Variants in FBXO8 observed in about 807,000 individuals in gnomAD.
FBXO8 encodes the protein F-box only protein 8.
FBXO8 carries 15 observed loss-of-function variants against 33.4 expected under a neutral mutation model. That is an observed-to-expected ratio of 0.45 (90% CI 0.30 to 0.69). The LOEUF (loss-of-function observed/expected upper bound fraction) is 0.69. Among genes scored for constraint, FBXO8 ranks in the 30% least tolerant of loss-of-function variants. FBXO8 has a pLI of 0.08. For synonymous variants in FBXO8, 132 were observed against 131.5 expected, an observed-to-expected ratio of 1.00 and a Z score of -0.02; for missense variants, 274 against 380.3, an observed-to-expected ratio of 0.72 and a Z score of 2.32.
intron 3 of FBXO8, among the ~76,000 whole-genome samples, chr4:174,248,152 A>C (rs910036622): frequency 2.6e-5 from 4 of 151,992 alleles, no homozygotes; most frequent in African/African-American, 7.2e-5. Flanking sequence ...CTACCCACTA[A>C]ATTTTGTAAT....
chr4:174,276,380 GGC>G (rs1212275053), intron 1 of FBXO8, among the ~76,000 whole-genome samples: 1 of 152,102 alleles, frequency 6.6e-6, no homozygotes, highest in Non-Finnish European at 1.5e-5. Flanking sequence ...TGGGACTACA[GGC>G]GCGCACCGCC....
intron 3 of FBXO8, among the ~76,000 whole-genome samples, chr4:174,246,177 A>C (rs1290559370): frequency 6.6e-6 from 1 of 151,980 alleles, no homozygotes; most frequent in East Asian, 1.9e-4. Flanking sequence ...TGTCTAGTGC[A>C]ATTATGCAGT....
At position 174,257,718 on chromosome 4, in the gene FBXO8, G is replaced by A. The variant is rs1392033400; in HGVS notation, c.456+1981C>T. 1.3e-5 allele frequency among the ~76,000 whole-genome samples: 2 copies of A among 151,930 alleles called. No homozygotes were observed. The highest frequency in any genetic ancestry group is 2.4e-5 in the African/African-American group (1 of 41,354). On this transcript the variant is annotated intron_variant, in intron 3 of 5. Coordinates refer to ENST00000393674, the MANE Select transcript of FBXO8 (RefSeq NM_012180.3). This position sits in a 1 kb window ranked among gnomAD's most constrained non-coding sequence, Gnocchi z 4.3. ...CAGGGTCTCACTCTCACAGCTTATT[G>A]CACTCTTGACCTCTGGGGCTACATA...
chr4:174,262,334 A>G lies in FBXO8; in HGVS notation c.329+430T>C, dbSNP rs1171500580. The stretch of plus-strand genomic sequence containing the variant: ...GCTCTATATGAAGAAAATTAAAAAC[A>G]GTAACATTTGAGGACTATTCATTGA... On this transcript the variant is annotated intron_variant, in intron 2 of 5. Transcript: ENST00000393674. The surrounding 1 kb of genome is among the most constrained non-coding windows in gnomAD (Gnocchi z 4.6). Among the ~76,000 whole-genome samples the G allele has an allele frequency of 6.6e-6, 1 of 152,040 alleles. No homozygotes were observed. Among genetic ancestry groups the G allele is most frequent in the East Asian group, 1.9e-4 (1 of 5,198 alleles).
Position 174,263,119 on chromosome 4 carries a change from G to C in FBXO8, c.-8-19C>G, listed in dbSNP as rs1227029768. On this transcript the variant is annotated intron_variant, in intron 1 of 5. Transcript: ENST00000393674. The surrounding 1 kb of genome is among the most constrained non-coding windows in gnomAD (Gnocchi z 4.2). ...TGCAAGCCTGGGAAAAAGCCAGAATGTAATAAGGGTGACATTTAAAAAGTA... is the reference window on the plus strand; with the variant it reads ...TGCAAGCCTGGGAAAAAGCCAGAATCTAATAAGGGTGACATTTAAAAAGTA... 6.3e-7 allele frequency: 1 copy of C among 1,597,102 alleles called. No homozygotes were observed. The highest frequency in any genetic ancestry group is 1.1e-5 in the South Asian group (1 of 90,294).
rs1183335934 is a variant in FBXO8, at chr4:174,259,385, T to C, written c.456+314A>G. 2.6e-5 allele frequency among the ~76,000 whole-genome samples: 4 copies of C among 152,086 alleles called. No homozygotes were observed. The East Asian group carries it at 5.8e-4, about 22-fold the overall frequency. On this transcript the variant is annotated intron_variant, in intron 3 of 5. Transcript: ENST00000393674. The surrounding 1 kb of genome is among the most constrained non-coding windows in gnomAD (Gnocchi z 4.3). ...CAGATAAAATCTGATGAACACACTC[T>C]GTGTTCTTATTATCAAATTTTTGTG...
rs138425613 is a variant in FBXO8, at chr4:174,263,602, A to G, written c.-8-502T>C. ...ACAGGCTTTTAGTTTAATTCTTGCCAGTCTACACTTACATTGTAGACTGTA... is the reference window on the plus strand; with the variant it reads ...ACAGGCTTTTAGTTTAATTCTTGCCGGTCTACACTTACATTGTAGACTGTA... On this transcript the variant is annotated intron_variant, in intron 1 of 5. Coordinates refer to ENST00000393674, the MANE Select transcript of FBXO8 (RefSeq NM_012180.3). The surrounding 1 kb of genome is among the most constrained non-coding windows in gnomAD (Gnocchi z 4.2). Among the ~76,000 whole-genome samples the G allele has an allele frequency of 6.6e-6, 1 of 152,276 alleles. No individual in the cohort carries two copies. Among genetic ancestry groups the G allele is most frequent in the Non-Finnish European group, 1.5e-5 (1 of 68,020 alleles).
At position 174,261,345 on chromosome 4, in the gene FBXO8, AAT is replaced by A. The variant is rs1214879217; in HGVS notation, c.329+1417_329+1418del. Among the ~76,000 whole-genome samples, 1 of 151,978 alleles carries A rather than the reference AAT, an allele frequency of 6.6e-6. No individual in the cohort carries two copies. Among genetic ancestry groups the A allele is most frequent in the African/African-American group, 2.4e-5 (1 of 41,444 alleles). ...AAGGAAAAAATCCAAGTATTATAAAAATAGGCATAATTATGGCAAATATTTCT... is the reference window on the plus strand; with the variant it reads ...AAGGAAAAAATCCAAGTATTATAAAAAGGCATAATTATGGCAAATATTTCT... On this transcript the variant is annotated intron_variant, in intron 2 of 5. Coordinates refer to ENST00000393674, the MANE Select transcript of FBXO8 (RefSeq NM_012180.3). The surrounding 1 kb of genome is among the most constrained non-coding windows in gnomAD (Gnocchi z 4.1).
rs1199573061 is a variant in FBXO8, at chr4:174,281,159, G to T, written c.-9+2251C>A. Among the ~76,000 whole-genome samples, 1 of 152,152 alleles carries T rather than the reference G, an allele frequency of 6.6e-6. No homozygotes were observed. The highest frequency in any genetic ancestry group is 2.4e-5 in the African/African-American group (1 of 41,434). On this transcript the variant is annotated intron_variant, in intron 1 of 5. Coordinates refer to ENST00000393674, the MANE Select transcript of FBXO8 (RefSeq NM_012180.3). The surrounding 1 kb of genome is among the most constrained non-coding windows in gnomAD (Gnocchi z 4.6). ...AGAAGAGATGATGGCGTGCGTGTGT[G>T]TGTATTTAACATCTGTCCTTTCCAT... is the stretch of plus-strand genomic sequence containing the variant.
In FBXO8 at chr4:174,254,529, T is replaced by C. The variant is rs1227460083; in HGVS notation, c.456+5170A>G. On this transcript the variant is annotated intron_variant, in intron 3 of 5. Transcript: ENST00000393674. This position sits in a 1 kb window ranked among gnomAD's most constrained non-coding sequence, Gnocchi z 4.2. ...AGAGAATGCGATACCAAGTAAATAA[T>C]GATGAATGGTCTATTAGTTACAAAT... 6.6e-6 allele frequency among the ~76,000 whole-genome samples: 1 copy of C among 152,176 alleles called. No individual in the cohort carries two copies. Among genetic ancestry groups the C allele is most frequent in the Non-Finnish European group, 1.5e-5 (1 of 68,018 alleles).
At position 174,263,336 on chromosome 4, in the gene FBXO8, C is replaced by T. The variant is rs928339454; in HGVS notation, c.-8-236G>A. Among the ~76,000 whole-genome samples the T allele has an allele frequency of 1.3e-5, 2 of 152,146 alleles. No homozygotes were observed. The highest frequency in any genetic ancestry group is 3.9e-4 in the East Asian group (2 of 5,192). On this transcript the variant is annotated intron_variant, in intron 1 of 5. Transcript: ENST00000393674. The surrounding 1 kb of genome is among the most constrained non-coding windows in gnomAD (Gnocchi z 4.2). Reference sequence around the variant, plus strand: ...CATCACCTTTATCCCAGTTTGCTAACTACTTCTAAAGTCCATATGTGACAT... The same window carrying T: ...CATCACCTTTATCCCAGTTTGCTAATTACTTCTAAAGTCCATATGTGACAT...
At position 174,267,141 on chromosome 4, in the gene FBXO8, GAA is replaced by G. The variant is rs1017277386; in HGVS notation, c.-8-4043_-8-4042del. On this transcript the variant is annotated intron_variant, in intron 1 of 5. Transcript: ENST00000393674. This position sits in a 1 kb window ranked among gnomAD's most constrained non-coding sequence, Gnocchi z 4.7. ...CCAGCAACAACAACAAAAAACTCTA[GAA>G]AACAAAAAAAGGCTGTGTTGTCTTT... Among the ~76,000 whole-genome samples the G allele has an allele frequency of 4.6e-5, 7 of 151,954 alleles. No individual in the cohort carries two copies. Among genetic ancestry groups the G allele is most frequent in the African/African-American group, 1.7e-4 (7 of 41,392 alleles).
chr4:174,269,072 A>G (rs1295859122), intron 1 of FBXO8: 1 of 152,218 alleles, frequency 6.6e-6, no homozygotes, highest in Admixed American at 6.5e-5. Context: ...CCAAATTTGA[A>G]TTTATTTTGT....
chr4:174,261,896 A>G lies in FBXO8; in HGVS notation c.329+868T>C, dbSNP rs1736572727. On this transcript the variant is annotated intron_variant, in intron 2 of 5. Coordinates refer to ENST00000393674, the MANE Select transcript of FBXO8 (RefSeq NM_012180.3). This position sits in a 1 kb window ranked among gnomAD's most constrained non-coding sequence, Gnocchi z 4.1. ...TTTTAGTTATAGTCTATATTTTTAT[A>G]AAGACCTATTTCAAGATAATAAGAC... Among the ~76,000 whole-genome samples the G allele has an allele frequency of 6.6e-6, 1 of 152,088 alleles. No homozygotes were observed. Among genetic ancestry groups the G allele is most frequent in the African/African-American group, 2.4e-5 (1 of 41,456 alleles).
intron 3 of FBXO8, among the ~76,000 whole-genome samples, chr4:174,242,722 AG>A (rs1478072617): frequency 6.6e-6 from 1 of 151,530 alleles, no homozygotes; most frequent in Non-Finnish European, 1.5e-5. Flanking sequence ...CAACTGTCCG[AG>A]GGGGCAGCAA....
At position 174,255,210 on chromosome 4, in the gene FBXO8, T is replaced by A. The variant is rs114780533; in HGVS notation, c.456+4489A>T. The stretch of plus-strand genomic sequence containing the variant: ...TAATAATGCCCATGAGGGTTTTCAT[T>A]CCCTAGGAATAGAAGTTAAAGTTAT... On this transcript the variant is annotated intron_variant, in intron 3 of 5. Coordinates refer to ENST00000393674, the MANE Select transcript of FBXO8 (RefSeq NM_012180.3). This position sits in a 1 kb window ranked among gnomAD's most constrained non-coding sequence, Gnocchi z 4.3. Among the ~76,000 whole-genome samples, 835 of 152,296 alleles carry A rather than the reference T, an allele frequency of 5.5e-3. 7 individuals carry two copies. The highest frequency in any genetic ancestry group is 0.019 in the African/African-American group (782 of 41,580).
chr4:174,264,641 A>C (rs1473985069), intron 1 of FBXO8, among the ~76,000 whole-genome samples: 1 of 152,040 alleles, frequency 6.6e-6, no homozygotes, highest in Non-Finnish European at 1.5e-5. Context: ...TATGGTGGGG[A>C]GGTACAAAGA....
Position 174,265,446 on chromosome 4 carries a change from G to A in FBXO8, c.-8-2346C>T, listed in dbSNP as rs1736672340. On this transcript the variant is annotated intron_variant, in intron 1 of 5. Transcript: ENST00000393674. This position sits in a 1 kb window ranked among gnomAD's most constrained non-coding sequence, Gnocchi z 4.7. Reference sequence around the variant, plus strand: ...ATTTTCAAATCCTGTAAGCAACTACGATGTACTTCATTATGCGAATGTATA... The same window carrying A: ...ATTTTCAAATCCTGTAAGCAACTACAATGTACTTCATTATGCGAATGTATA... Among the ~76,000 whole-genome samples, 2 of 152,092 alleles carry A rather than the reference G, an allele frequency of 1.3e-5. No homozygotes were observed. Among genetic ancestry groups the A allele is most frequent in the South Asian group, 4.1e-4 (2 of 4,832 alleles).
chr4:174,245,641 G>A lies in FBXO8; in HGVS notation c.457-4423C>T, dbSNP rs865884563. Among the ~76,000 whole-genome samples the A allele has an allele frequency of 6.6e-6, 1 of 151,696 alleles. No homozygotes were observed. The highest frequency in any genetic ancestry group is 1.5e-5 in the Non-Finnish European group (1 of 67,876). On this transcript the variant is annotated intron_variant, in intron 3 of 5. Transcript: ENST00000393674. This position sits in a 1 kb window ranked among gnomAD's most constrained non-coding sequence, Gnocchi z 4.6. ...AGGCTTTTAAACCTGATGAAGCAAT[G>A]GGCTATAATGTGAATTTGGCAGCAA...
Sources: gnomAD v4.1 joint callset for allele counts (sites outside exome capture counted in the v4.1 genomes callset) on GRCh38, gnomAD v4.1.1 for gene constraint, Gnocchi (gnomAD v3.1) non-coding constraint, MANE v1.5 for transcripts, NCBI Gene and HGNC (gene_info 2026-07-23, HGNC 2026-07-21) for gene names.